Variants in RAD18 observed in about 807,000 individuals in gnomAD.
The protein encoded by RAD18 is E3 ubiquitin-protein ligase RAD18.
Under a neutral mutation model 60.4 loss-of-function variants are expected in RAD18, and 47 were observed. The observed-to-expected ratio is 0.78, with a 90% CI of 0.62 to 0.99. RAD18 has a LOEUF of 0.99. Among genes scored for constraint, RAD18 ranks in the 50% least tolerant of loss-of-function variants. The pLI is 0.00. For synonymous variants in RAD18, 225 were observed against 195.5 expected, an observed-to-expected ratio of 1.15 and a Z score of -1.26; for missense variants, 640 against 593.3, an observed-to-expected ratio of 1.08 and a Z score of -0.82.
intron 7 of RAD18, among the ~76,000 whole-genome samples, chr3:8,920,293 AAAAAAG>A (rs1559777141): frequency 1.3e-5 from 2 of 151,340 alleles, no homozygotes; most frequent in Admixed American, 1.3e-4. Context: ...AAAAAAAAAA[AAAAAAG>A]AAAAAGAAAA....
At chr3:8,921,000 A>C (rs1293284395) in intron 7 of RAD18, among the ~76,000 whole-genome samples, 1 of 152,270 alleles carries the variant, frequency 6.6e-6, no homozygotes, top group Non-Finnish European at 1.5e-5. Context: ...GCAATAAAAG[A>C]GAATCTTTTT....
intron 7 of RAD18, among the ~76,000 whole-genome samples, chr3:8,916,765 T>C (rs1161726895): frequency 1.3e-5 from 2 of 151,344 alleles, no homozygotes; most frequent in Non-Finnish European, 2.9e-5. Context: ...AACCTAAAAT[T>C]GGATTGGTAT....
intron 9 of RAD18, among the ~76,000 whole-genome samples, chr3:8,905,743 T>G (rs1385730726): frequency 6.6e-6 from 1 of 152,232 alleles, no homozygotes; most frequent in Admixed American, 6.5e-5. Context: ...ATAAAACTCT[T>G]GCACCTTTCT....
chr3:8,922,909 C>T (rs1940352800), intron 7 of RAD18, among the ~76,000 whole-genome samples: 1 of 152,168 alleles, frequency 6.6e-6, no homozygotes, highest in Non-Finnish European at 1.5e-5. Context: ...ACCAAAACCC[C>T]ATCTGTACGT....
intron 9 of RAD18, among the ~76,000 whole-genome samples, chr3:8,908,778 T>C (rs925911400): frequency 1.3e-5 from 2 of 152,264 alleles, no homozygotes; most frequent in Non-Finnish European, 2.9e-5. Flanking sequence ...TTCCTTGCTT[T>C]ATTTTTTCAC....
rs1304131554 is a variant in RAD18, at chr3:8,941,594, A to T, written c.477T>A (p.Pro159=). Residue 159 remains proline, a synonymous_variant, in exon 5 of 13, where the codon CCT becomes CCA. Transcript: ENST00000264926. ...TTGCAGCAGGGCTCGCCTCTTTTTGAGGGCTGAATTTGCTTTTATTTTCTT... is the reference window on the plus strand; with the variant it reads ...TTGCAGCAGGGCTCGCCTCTTTTTGTGGGCTGAATTTGCTTTTATTTTCTT... ...LIKENKSKFS[P]QKEASPAAKT... 6.2e-7 allele frequency: 1 copy of T among 1,614,102 alleles called. No individual in the cohort carries two copies. Among genetic ancestry groups the T allele is most frequent in the Non-Finnish European group, 8.5e-7 (1 of 1,179,994 alleles).
intron 7 of RAD18, among the ~76,000 whole-genome samples, chr3:8,933,935 C>T (rs1205197547): frequency 1.3e-5 from 2 of 152,198 alleles, no homozygotes; most frequent in Non-Finnish European, 2.9e-5. Context: ...CATTATTTAT[C>T]CTGCTCAACG....
intron 7 of RAD18, among the ~76,000 whole-genome samples, chr3:8,930,021 T>C (rs1940522677): frequency 6.6e-6 from 1 of 152,212 alleles, no homozygotes; most frequent in East Asian, 1.9e-4. Context: ...TAGCAATTCC[T>C]CAAAATGTTA....
chr3:8,940,985 C>A (rs991363807), intron 5 of RAD18, among the ~76,000 whole-genome samples: 2 of 152,166 alleles, frequency 1.3e-5, no homozygotes, highest in Non-Finnish European at 2.9e-5. Context: ...TTTGCCAATT[C>A]CTCAGTGTAC....
chr3:8,920,174 G>C (rs1268580326), intron 7 of RAD18, among the ~76,000 whole-genome samples: 1 of 151,630 alleles, frequency 6.6e-6, no homozygotes, highest in Non-Finnish European at 1.5e-5. Flanking sequence ...AGCTACTCGG[G>C]AGGCTGAGGC....
chr3:8,918,000 C>A (rs547225450), intron 7 of RAD18, among the ~76,000 whole-genome samples: 47 of 152,182 alleles, frequency 3.1e-4, no homozygotes, highest in Non-Finnish European at 6.2e-4. Flanking sequence ...GGCTCCAGAA[C>A]AATGAATGTT....
intron 11 of RAD18, 148 bp from the exon 12 acceptor site, chr3:8,890,599 T>C (rs1939667588): frequency 3.6e-6 from 2 of 555,984 alleles, no homozygotes; most frequent in East Asian, 2.8e-5. Context: ...AGAGTGGGGG[T>C]GGGCAAGGAA....
intron 9 of RAD18, among the ~76,000 whole-genome samples, chr3:8,908,273 A>AT (rs34306178): frequency 1.9e-4 from 26 of 138,974 alleles, no homozygotes; most frequent in East Asian, 2.0e-4. Flanking sequence ...CACTTTAAGC[A>AT]TTTTTTTTTT....
At chr3:8,916,043 T>A (rs415015) in intron 7 of RAD18, among the ~76,000 whole-genome samples, 82,163 of 152,014 alleles carry the variant, frequency 0.54, 26,212 homozygotes, top group Middle Eastern at 0.71. Context: ...GAAGCCCCAA[T>A]CACATCTTTA....
intron 7 of RAD18, among the ~76,000 whole-genome samples, chr3:8,917,156 G>C: frequency 6.6e-6 from 1 of 152,108 alleles, no homozygotes; most frequent in East Asian, 1.9e-4. Flanking sequence ...GATAACAATA[G>C]AGTGACATCT....
chr3:8,956,426 G>A (rs1941010683), intron 2 of RAD18, among the ~76,000 whole-genome samples: 1 of 152,178 alleles, frequency 6.6e-6, no homozygotes, highest in Non-Finnish European at 1.5e-5. Context: ...TCCCATCCTG[G>A]GCAGGACGGC....
chr3:8,923,682 CA>C (rs1280163594), intron 7 of RAD18, among the ~76,000 whole-genome samples: 1 of 152,128 alleles, frequency 6.6e-6, no homozygotes, highest in Non-Finnish European at 1.5e-5. Flanking sequence ...GGGTTACCCA[CA>C]AAGGGAAGCC....
intron 2 of RAD18, among the ~76,000 whole-genome samples, chr3:8,955,467 T>C (rs969460261): frequency 1.2e-4 from 19 of 152,212 alleles, no homozygotes; most frequent in African/African-American, 4.3e-4. Flanking sequence ...AGACAGAGGC[T>C]GATATAGCTC....
chr3:8,881,300 G>T lies in RAD18; in HGVS notation c.*57C>A, dbSNP rs566725589. The T allele has an allele frequency of 2.3e-5, 31 of 1,361,448 alleles. No homozygotes were observed. The South Asian group carries it at 3.2e-4, about 14-fold the overall frequency. The allele number at this position is 1,361,448 out of a possible 1,614,324, so 84.3% of individuals were successfully genotyped here. A position where few individuals can be genotyped will look rare whatever the true frequency, so the allele number is the denominator to read the frequency against. ...TTTATAAATAGAAAATCTATCTGTG[G>T]CAACCAAAAGTACGGTATTCTAATC... On this transcript the variant is annotated 3_prime_UTR_variant, in exon 13 of 13. Coordinates refer to ENST00000264926, the MANE Select transcript of RAD18 (RefSeq NM_020165.4).
Sources: allele counts gnomAD v4.1 joint callset (sites outside exome capture counted in the v4.1 genomes callset), GRCh38; gene constraint gnomAD v4.1.1; transcripts MANE v1.5; gene names NCBI Gene and HGNC (gene_info 2026-07-23, HGNC 2026-07-21).